Variants in PCM1 observed in about 807,000 individuals in gnomAD.
PCM1 encodes pericentriolar material 1 protein.
PCM1 carries 157 observed loss-of-function variants against 241.9 expected under a neutral mutation model. The observed-to-expected ratio is 0.65, with a 90% CI of 0.57 to 0.74. The LOEUF is 0.74. Ranked by LOEUF, PCM1 falls within the 30% of genes least tolerant of loss-of-function variation. The probability of loss-of-function intolerance (pLI) is 0.00; values close to 1 mark genes in which losing one functional copy is unlikely to be tolerated. For missense variants in PCM1, 3,478 were observed against 2,360.1 expected (o/e 1.47, Z -9.81); for synonymous variants, 1,085 against 784.9 (o/e 1.38, Z -6.39).
At chr8:17,945,416 G>C (rs1211340698) in intron 6 of PCM1, among the ~76,000 whole-genome samples, 2 of 152,114 alleles carry the variant, frequency 1.3e-5, no homozygotes, top group Non-Finnish European at 2.9e-5. Context: ...TAGGCTATTT[G>C]TTTCCCATGC....
intron 28 of PCM1, among the ~76,000 whole-genome samples, chr8:17,992,229 T>C (rs984168185): frequency 6.6e-6 from 1 of 152,226 alleles, no homozygotes; most frequent in Non-Finnish European, 1.5e-5. Context: ...CTTTTTCATA[T>C]AATGACTTCT....
chr8:18,008,113 G>C (rs2091815828), intron 30 of PCM1, among the ~76,000 whole-genome samples: 1 of 152,052 alleles, frequency 6.6e-6, no homozygotes, highest in Non-Finnish European at 1.5e-5. Flanking sequence ...TTTATATCAG[G>C]GGTCCCCAAC....
chr8:17,989,785 G>C (rs1331367755), intron 26 of PCM1, 74 bp from the exon 27 acceptor site: 2 of 1,016,074 alleles, frequency 2.0e-6, no homozygotes, highest in Non-Finnish European at 2.8e-6. Context: ...TAAATACTTA[G>C]TTATCTCTGT....
At position 18,009,559 on chromosome 8, in the gene PCM1, A is replaced by G; in HGVS notation, c.4975A>G (p.Lys1659Glu). The stretch of plus-strand genomic sequence containing the variant: ...TATCTTTGAATAGGATTCACTGGCA[A>G]AATTTGCTGGCAGAAAACTGAAAGA... Reference protein sequence around the residue: ...LGSILQDSLAKFAGRKLKDCG... With the variant: ...LGSILQDSLAEFAGRKLKDCG... The change falls in exon 31 of 39, where the codon AAA becomes GAA. Residue 1659 changes from lysine (K) to glutamate (E), a missense_variant. Physicochemically the swap from Lys to Glu is moderately conservative, Grantham distance 56 (BLOSUM62 1). Coordinates refer to ENST00000325083, the MANE Select transcript of PCM1 (RefSeq NM_006197.4). 6.3e-7 allele frequency: 1 copy of G among 1,597,328 alleles called. No individual in the cohort carries two copies. The highest frequency in any genetic ancestry group is 2.3e-5 in the East Asian group (1 of 44,382).
Position 17,960,130 on chromosome 8 carries a change from A to G in PCM1, c.2157A>G (p.Lys719=), listed in dbSNP as rs1168338693. The change falls in exon 14 of 39, where the codon AAA becomes AAG. Residue 719 remains lysine, a synonymous_variant. Coordinates refer to ENST00000325083, the MANE Select transcript of PCM1 (RefSeq NM_006197.4). ...ATAACACTAGAGGAAATGCCAATAAAACACAGAAAGATACTGGAGTAAATG... is the reference window on the plus strand; with the variant it reads ...ATAACACTAGAGGAAATGCCAATAAGACACAGAAAGATACTGGAGTAAATG... ...NSNNTRGNAN[K]TQKDTGVNEK... 1.3e-6 allele frequency: 2 copies of G among 1,592,224 alleles called. No individual in the cohort carries two copies. The highest frequency in any genetic ancestry group is 1.7e-6 in the Non-Finnish European group (2 of 1,167,998).
At chr8:17,976,029 G>A (rs765211763) in intron 23 of PCM1, among the ~76,000 whole-genome samples, 1 of 152,132 alleles carries the variant, frequency 6.6e-6, no homozygotes, top group Admixed American at 6.5e-5. Context: ...GGATAGAACT[G>A]TTAAGGTACA....
chr8:17,937,024 A>T, intron 3 of PCM1, 110 bp from the exon 4 acceptor site: 1 of 818,142 alleles, frequency 1.2e-6, no homozygotes, highest in Non-Finnish European at 1.9e-6. Context: ...GTCTGTCAAA[A>T]ATGTCTTGTC....
rs373846728 is a variant in PCM1 at position 18,006,364 on chromosome 8, G to C, written c.4929G>C (p.Lys1643Asn). The C allele has an allele frequency of 4.9e-5, 79 of 1,612,726 alleles. No homozygotes were observed. Among genetic ancestry groups the C allele is most frequent in the Non-Finnish European group, 6.4e-5 (76 of 1,178,948 alleles). ...QQNDESKEFV[K>N]FFHKQLGSIL... The stretch of plus-strand genomic sequence containing the variant: ...ATGATGAGAGCAAAGAGTTTGTAAA[G>C]TTCTTTCATAAACAACTTGGAAGTA... Residue 1643 changes from lysine to asparagine, a missense_variant, in exon 30 of 39, where the codon AAG (lysine) becomes AAC (asparagine). Lys to Asn is a moderately conservative substitution (Grantham distance 94). Coordinates refer to ENST00000325083, the MANE Select transcript of PCM1 (RefSeq NM_006197.4).
At chr8:17,942,805 C>G (rs1003213885) in intron 6 of PCM1, among the ~76,000 whole-genome samples, 1 of 152,136 alleles carries the variant, frequency 6.6e-6, no homozygotes, top group Non-Finnish European at 1.5e-5. Flanking sequence ...ACCAGTCTGG[C>G]CAACATAGTG....
intron 2 of PCM1, among the ~76,000 whole-genome samples, chr8:17,934,455 T>G (rs1250306988): frequency 6.6e-6 from 1 of 151,984 alleles, no homozygotes; most frequent in Non-Finnish European, 1.5e-5. Context: ...GAGATGGGGT[T>G]TTACCATGTT....
Position 17,997,162 on chromosome 8 carries a change from C to T in PCM1, c.4827+3543C>T, listed in dbSNP as rs1405519844. On this transcript the variant is annotated intron_variant, in intron 29 of 38. Transcript: ENST00000325083. ...TTGAAGGATATTTTTGCTGGATGTA[C>T]TATTCTAGGGTAAAAGTTTTCTTCC... 3.9e-5 allele frequency among the ~76,000 whole-genome samples: 6 copies of T among 152,272 alleles called. No individual in the cohort carries two copies. The South Asian group carries it at 6.2e-4, about 16-fold the overall frequency.
intron 1 of PCM1, among the ~76,000 whole-genome samples, chr8:17,923,553 C>T (rs936928799): frequency 4.6e-5 from 7 of 152,118 alleles, no homozygotes; most frequent in African/African-American, 1.7e-4. Context: ...GGTTTGGGTG[C>T]TAGGGGCACT....
chr8:18,012,647 A>G (rs2092671748), intron 34 of PCM1, among the ~76,000 whole-genome samples: 1 of 152,032 alleles, frequency 6.6e-6, no homozygotes. Context: ...CATTATTTGC[A>G]GTGGATACTC....
chr8:17,991,046 A>AT (rs35010110), intron 27 of PCM1, among the ~76,000 whole-genome samples: 18,371 of 144,648 alleles, frequency 0.13, 1,257 homozygotes, highest in East Asian at 0.36. Flanking sequence ...ATTTACTGGT[A>AT]TTTTTTTTTT....
intron 4 of PCM1, 146 bp downstream of exon 4, chr8:17,937,525 T>TGG: frequency 1.5e-6 from 1 of 669,464 alleles, no homozygotes; most frequent in South Asian, 2.2e-5. Flanking sequence ...TTTTAATCAC[T>TGG]GGGGATGGTC....
chr8:17,962,852 G>T lies in PCM1; in HGVS notation c.2464-249G>T, dbSNP rs559880801. 1.4e-5 allele frequency: 4 copies of T among 287,552 alleles called. No homozygotes were observed. The Admixed American group carries it at 2.2e-4, about 15-fold the overall frequency. The allele number at this position is 287,552 out of a possible 1,614,324, so 17.8% of individuals were successfully genotyped here. On this transcript the variant is annotated intron_variant, in intron 16 of 38. Transcript: ENST00000325083. ...TGGGAGGCAGAGGTTGCAGTGAGCCGAGATCACACCACTGCACTCCAGCCC... is the reference window on the plus strand; with the variant it reads ...TGGGAGGCAGAGGTTGCAGTGAGCCTAGATCACACCACTGCACTCCAGCCC...
intron 36 of PCM1, among the ~76,000 whole-genome samples, chr8:18,015,543 C>G (rs1020057994): frequency 6.6e-6 from 1 of 152,156 alleles, no homozygotes; most frequent in African/African-American, 2.4e-5. Flanking sequence ...TTTGTAATTG[C>G]AAACCAAGCA....
rs187509612 is a variant in PCM1, at chr8:17,937,022, A to G, written c.97-112A>G. 6.6e-5 allele frequency: 54 copies of G among 813,500 alleles called. No individual in the cohort carries two copies. The Admixed American group carries it at 1.3e-3, about 20-fold the overall frequency. 50.4% of individuals were successfully genotyped at this position (813,500 alleles called of 1,614,324 possible). A position where few individuals can be genotyped will look rare whatever the true frequency, so the allele number is the denominator to read the frequency against. Reference sequence around the variant, plus strand: ...TGTCTCTAGGAGTATAAGTCTGTCAAAAATGTCTTGTCTTTTTTAATTTTA... The same window carrying G: ...TGTCTCTAGGAGTATAAGTCTGTCAGAAATGTCTTGTCTTTTTTAATTTTA... On this transcript the variant is annotated intron_variant, in intron 3 of 38. Coordinates refer to ENST00000325083, the MANE Select transcript of PCM1 (RefSeq NM_006197.4).
At chr8:18,003,231 T>C (rs529393788) in intron 29 of PCM1, among the ~76,000 whole-genome samples, 1 of 152,300 alleles carries the variant, frequency 6.6e-6, no homozygotes, top group South Asian at 2.1e-4. Flanking sequence ...AGACACTCAG[T>C]AAACATTAAT....
Sources: gnomAD v4.1 joint callset for allele counts (sites outside exome capture counted in the v4.1 genomes callset) on GRCh38, gnomAD v4.1.1 for gene constraint, MANE v1.5 for transcripts, NCBI Gene and HGNC (gene_info 2026-07-23, HGNC 2026-07-21) for gene names.